Variants in CNR1 observed in about 807,000 individuals in gnomAD.
CNR1 encodes cannabinoid receptor 1.
CNR1 carries 10 observed loss-of-function variants against 23.0 expected under a neutral mutation model. The observed-to-expected ratio is 0.43, with a 90% CI of 0.27 to 0.74. The LOEUF is 0.74. CNR1 is among the 30% of genes least tolerant of loss of function. CNR1 has a pLI of 0.19. For synonymous variants in CNR1, 271 were observed against 255.2 expected, an observed-to-expected ratio of 1.06 and a Z score of -0.59; for missense variants, 422 against 618.8, an observed-to-expected ratio of 0.68 and a Z score of 3.37.
At chr6:88,165,320 A>T (rs765607977) in intron 1 of CNR1, among the ~76,000 whole-genome samples, 24 of 152,256 alleles carry the variant, frequency 1.6e-4, no homozygotes, top group Admixed American at 4.6e-4. Context: ...TATTAGTTAC[A>T]TGGACATTTG....
chr6:88,140,973 T>TA lies in CNR1; in HGVS notation c.*2882dup, dbSNP rs34669085. 95,376 of 150,264 alleles carry TA rather than the reference T, an allele frequency of 0.63. 30,320 individuals carry two copies. The highest frequency in any genetic ancestry group is 0.66 in the Non-Finnish European group (44,736 of 67,446). The allele number at this position is 150,264 out of a possible 1,614,324, so 9.3% of individuals were successfully genotyped here. ...TAGGACTGATTCATCATGACTCTGATAAAAAAAAAATGAGCAGGTTGGGAA... is the reference window on the plus strand; with the variant it reads ...TAGGACTGATTCATCATGACTCTGATAAAAAAAAAAATGAGCAGGTTGGGAA... On this transcript the variant is annotated 3_prime_UTR_variant, in exon 2 of 2. Transcript: ENST00000369501.
chr6:88,143,992 TC>T lies in CNR1; in HGVS notation c.1282del (p.Asp428ThrfsTer32). Reference protein sequence around the residue: ...TAQPLDNSMGDSDCLHKHANN... With the variant: ...TAQPLDNSMGXSDCLHKHANN... ...TGCGTGTTTGTGCAGGCAGTCCGAG[TC>T]CCCCATGCTGTTATCCAGAGGCTGC... On this transcript the variant is annotated frameshift_variant, in exon 2 of 2. Coordinates refer to ENST00000369501, the MANE Select transcript of CNR1 (RefSeq NM_016083.6). LOFTEE classifies it high-confidence loss of function. 1 of 1,613,610 alleles carries T rather than the reference TC, an allele frequency of 6.2e-7. No homozygotes were observed. Among genetic ancestry groups the T allele is most frequent in the Non-Finnish European group, 8.5e-7 (1 of 1,179,920 alleles).
rs915991773 is a variant in CNR1, at chr6:88,157,887, C to T, written c.-64+7916G>A. On this transcript the variant is annotated intron_variant, in intron 1 of 1. Transcript: ENST00000369501. ...ATGAATCTTGCTTCAAATATTCATA[C>T]AAATTGAGGACACAGTGACTTTCTA... Among the ~76,000 whole-genome samples, 3 of 152,260 alleles carry T rather than the reference C, an allele frequency of 2.0e-5. No homozygotes were observed. In the East Asian group the frequency reaches 5.8e-4, roughly 29 times the overall value.
At chr6:88,155,339 C>T (rs1777738205) in intron 1 of CNR1, among the ~76,000 whole-genome samples, 1 of 152,150 alleles carries the variant, frequency 6.6e-6, no homozygotes, top group Admixed American at 6.5e-5. Context: ...AACATTTAAA[C>T]TTTTATTATA....
intron 1 of CNR1, among the ~76,000 whole-genome samples, chr6:88,147,959 A>G (rs1270951041): frequency 6.6e-6 from 1 of 151,904 alleles, no homozygotes; most frequent in Non-Finnish European, 1.5e-5. Context: ...ACTCTCCACA[A>G]CCTGTCTCCC....
intron 1 of CNR1, among the ~76,000 whole-genome samples, chr6:88,155,080 C>T (rs1386372812): frequency 6.6e-6 from 1 of 152,142 alleles, no homozygotes; most frequent in East Asian, 1.9e-4. Flanking sequence ...CTTACTTTTG[C>T]AGTTCATTAT....
At chr6:88,148,424 T>C (rs1777325350) in intron 1 of CNR1, among the ~76,000 whole-genome samples, 1 of 151,702 alleles carries the variant, frequency 6.6e-6, no homozygotes, top group South Asian at 2.1e-4. Flanking sequence ...CAGCATTTAG[T>C]AGAATGCCTA....
At chr6:88,153,870 T>C (rs1777658369) in intron 1 of CNR1, among the ~76,000 whole-genome samples, 1 of 152,238 alleles carries the variant, frequency 6.6e-6, no homozygotes, top group African/African-American at 2.4e-5. Context: ...CCACTCCAGT[T>C]GAATGGGCAA....
intron 1 of CNR1, among the ~76,000 whole-genome samples, chr6:88,165,406 C>T (rs1778317853): frequency 6.6e-6 from 1 of 152,202 alleles, no homozygotes; most frequent in Non-Finnish European, 1.5e-5. Flanking sequence ...CTTTATATGA[C>T]ATTTACTATT....
chr6:88,160,953 C>T (rs1321499451), intron 1 of CNR1, among the ~76,000 whole-genome samples: 1 of 151,964 alleles, frequency 6.6e-6, no homozygotes, highest in South Asian at 2.1e-4. Context: ...AATTAAGAAT[C>T]CAAATAAGAG....
chr6:88,144,927 C>T lies in CNR1; in HGVS notation c.348G>A (p.Gln116=), dbSNP rs1478573635. The change falls in exon 2 of 2, where the codon CAG becomes CAA. Residue 116 remains glutamine (Q), a synonymous_variant. Coordinates refer to ENST00000369501, the MANE Select transcript of CNR1 (RefSeq NM_016083.6). This position sits in a 1 kb window ranked among gnomAD's most constrained non-coding sequence, Gnocchi z 7.8. ...ECFMVLNPSQ[Q]LAIAVLSLTL... ...TGAGGGACAGGACTGCAATGGCCAG[C>T]TGCTGGCTGGGGTTCAGGACCATGA... 1.2e-6 allele frequency: 2 copies of T among 1,614,230 alleles called. No individual in the cohort carries two copies. The highest frequency in any genetic ancestry group is 1.7e-6 in the Non-Finnish European group (2 of 1,180,034).
chr6:88,163,909 TG>T (rs765503519), intron 1 of CNR1, among the ~76,000 whole-genome samples: 2 of 152,016 alleles, frequency 1.3e-5, no homozygotes, highest in African/African-American at 2.4e-5. Flanking sequence ...CACTGGGAAA[TG>T]GGTAACAGAA....
At chr6:88,148,917 C>G (rs1171037458) in intron 1 of CNR1, among the ~76,000 whole-genome samples, 1 of 152,184 alleles carries the variant, frequency 6.6e-6, no homozygotes, top group Non-Finnish European at 1.5e-5. Context: ...ACTGAGGGCC[C>G]CGAATCTCCC....
chr6:88,147,839 C>T (rs919123615), intron 1 of CNR1: 1 of 152,404 alleles, frequency 6.6e-6, no homozygotes, highest in African/African-American at 2.4e-5. Context: ...CACGCAGTTT[C>T]CTTTTCAGGC....
intron 1 of CNR1, among the ~76,000 whole-genome samples, chr6:88,160,265 T>C (rs980483930): frequency 5.3e-5 from 8 of 152,090 alleles, no homozygotes; most frequent in African/African-American, 1.7e-4. Context: ...CACTCCAGCC[T>C]GGGTCAACAG....
In CNR1 at chr6:88,149,783, G is replaced by C. The variant is rs762751883; in HGVS notation, c.-63-4446C>G. On this transcript the variant is annotated intron_variant, in intron 1 of 1. Coordinates refer to ENST00000369501, the MANE Select transcript of CNR1 (RefSeq NM_016083.6). The stretch of plus-strand genomic sequence containing the variant: ...CCTTCCTGACCAGCCCCTCCCACTA[G>C]GTATAACTAGTTCCCCAGCACATCC... Among the ~76,000 whole-genome samples, 7 of 152,226 alleles carry C rather than the reference G, an allele frequency of 4.6e-5. No homozygotes were observed. The South Asian group carries it at 8.3e-4, about 18-fold the overall frequency.
At chr6:88,155,271 G>C (rs1477176045) in intron 1 of CNR1, among the ~76,000 whole-genome samples, 1 of 152,228 alleles carries the variant, frequency 6.6e-6, no homozygotes, top group Non-Finnish European at 1.5e-5. Flanking sequence ...AAATCTGAGA[G>C]AATTTGGGTA....
At chr6:88,153,310 C>T (rs1283571041) in intron 1 of CNR1, among the ~76,000 whole-genome samples, 1 of 152,058 alleles carries the variant, frequency 6.6e-6, no homozygotes, top group Non-Finnish European at 1.5e-5. Context: ...AATGTTTATC[C>T]AGAGTCTTTA....
chr6:88,147,993 CCACCTG>C (rs1038654486), intron 1 of CNR1, among the ~76,000 whole-genome samples: 4 of 152,174 alleles, frequency 2.6e-5, no homozygotes, highest in African/African-American at 7.2e-5. Flanking sequence ...TTTCTATCTC[CCACCTG>C]CAGGATGAAG....
Sources: gnomAD v4.1 joint callset for allele counts (sites outside exome capture counted in the v4.1 genomes callset) on GRCh38, gnomAD v4.1.1 for gene constraint, Gnocchi (gnomAD v3.1) non-coding constraint, MANE v1.5 for transcripts, NCBI Gene and HGNC (gene_info 2026-07-23, HGNC 2026-07-21) for gene names.